Variants in MTTP observed in about 807,000 individuals in gnomAD.
MTTP encodes microsomal triglyceride transfer protein.
A neutral mutation model predicts 90.6 loss-of-function variants in MTTP; 49 were observed. The ratio of observed to expected loss-of-function variants is 0.54; its 90% CI spans 0.43 to 0.69. MTTP has a LOEUF of 0.69. Among genes scored for constraint, MTTP ranks in the 30% least tolerant of loss-of-function variants. MTTP has a pLI of 0.00. For synonymous variants in MTTP, 347 were observed against 384.2 expected (o/e 0.90, Z 1.13); for missense variants, 945 against 1,067.5 (o/e 0.89, Z 1.60).
chr4:99,598,102 C>CA (rs1267429650), intron 8 of MTTP, among the ~76,000 whole-genome samples: 1 of 152,096 alleles, frequency 6.6e-6, no homozygotes, highest in Non-Finnish European at 1.5e-5. Flanking sequence ...TGTTTATGCT[C>CA]AATTGCATTT....
chr4:99,594,409 T>C (rs531541048), intron 6 of MTTP, among the ~76,000 whole-genome samples: 10 of 152,332 alleles, frequency 6.6e-5, no homozygotes, highest in African/African-American at 2.4e-4. Context: ...ATTGACGATA[T>C]CATTTTCAGA....
intron 10 of MTTP, among the ~76,000 whole-genome samples, chr4:99,602,947 A>G (rs138751458): frequency 1.8e-3 from 274 of 152,330 alleles, no homozygotes; most frequent in Non-Finnish European, 3.3e-3. Flanking sequence ...CAAATAAATA[A>G]TATTGAAATA....
chr4:99,580,556 C>T (rs531704904), intron 1 of MTTP, among the ~76,000 whole-genome samples: 4 of 87,886 alleles, frequency 4.6e-5, no homozygotes, highest in South Asian at 8.9e-4. Flanking sequence ...GCCTGGCCGA[C>T]AGAGTGAGAC....
Position 99,597,188 on chromosome 4 carries a change from T to A in MTTP, c.1031T>A (p.Ile344Asn), listed in dbSNP as rs1725578527. The change falls in exon 8 of 18, where the codon ATC becomes AAC. Residue 344 changes from isoleucine (I) to asparagine (N), a missense_variant. Coordinates refer to ENST00000265517, the MANE Select transcript of MTTP (RefSeq NM_001386140.1). ...QHLRTAKKEE[I>N]LQILKMENKE... The stretch of plus-strand genomic sequence containing the variant: ...CTCAGGACTGCGAAGAAAGAAGAGA[T>A]CCTTCAAATACTAAAGATGGAAAAT... The A allele has an allele frequency of 1.2e-6, 2 of 1,613,910 alleles. No homozygotes were observed. Among genetic ancestry groups the A allele is most frequent in the Non-Finnish European group, 1.7e-6 (2 of 1,179,888 alleles).
chr4:99,597,788 G>A (rs1279530740), intron 8 of MTTP, among the ~76,000 whole-genome samples: 1 of 152,136 alleles, frequency 6.6e-6, no homozygotes, highest in African/African-American at 2.4e-5. Flanking sequence ...TTTTACATGT[G>A]TAATAAACAG....
chr4:99,616,537 T>C (rs1428881736), intron 15 of MTTP, among the ~76,000 whole-genome samples: 1 of 152,188 alleles, frequency 6.6e-6, no homozygotes, highest in African/African-American at 2.4e-5. Context: ...GGTATGAGGA[T>C]TAAATGAGAC....
At chr4:99,595,112 G>A (rs1475484334) in intron 7 of MTTP, among the ~76,000 whole-genome samples, 1 of 152,136 alleles carries the variant, frequency 6.6e-6, no homozygotes, top group East Asian at 1.9e-4. Context: ...TAACTCAAGG[G>A]CAGCCTTTAA....
In MTTP at chr4:99,581,917, G is replaced by A. The variant is rs762413666; in HGVS notation, c.74G>A (p.Gly25Asp). The change falls in exon 2 of 18, where the codon GGT becomes GAT. Residue 25 changes from glycine (G) to aspartate (D), a missense_variant. By Grantham distance (94) the Gly-to-Asp change is moderately conservative (BLOSUM62 -1). Transcript: ENST00000265517. ...TATCTTTATGCAGGTCACACAACTG[G>A]TCTCTCATTAAATAATGACCGGCTG... ...YSASVKGHTT[G>D]LSLNNDRLYK... 6.8e-6 allele frequency: 11 copies of A among 1,614,064 alleles called. No individual in the cohort carries two copies. Among genetic ancestry groups the A allele is most frequent in the Admixed American group, 5.0e-5 (3 of 60,024 alleles).
chr4:99,566,297 GAAAAA>G (rs567380343), intron 1 of MTTP, among the ~76,000 whole-genome samples: 10,147 of 117,628 alleles, frequency 0.086, 608 homozygotes, highest in African/African-American at 0.18. Flanking sequence ...TCAAAAAAAA[GAAAAA>G]AAAAAAAAAA....
chr4:99,622,990 A>G lies in MTTP; in HGVS notation c.*142A>G. On this transcript the variant is annotated 3_prime_UTR_variant, in exon 18 of 18. Coordinates refer to ENST00000265517, the MANE Select transcript of MTTP (RefSeq NM_001386140.1). ...TTTGTAAAAAGCTACAAAAAACTGCAGTTTGATCAAATTTGGGTATATGCA... is the reference window on the plus strand; with the variant it reads ...TTTGTAAAAAGCTACAAAAAACTGCGGTTTGATCAAATTTGGGTATATGCA... The G allele has an allele frequency of 9.9e-7, 1 of 1,008,836 alleles. No individual in the cohort carries two copies. Among genetic ancestry groups the G allele is most frequent in the Non-Finnish European group, 1.5e-6 (1 of 652,568 alleles). 62.5% of individuals were successfully genotyped at this position (1,008,836 alleles called of 1,614,324 possible).
Position 99,609,890 on chromosome 4 carries a change from T to C in MTTP, c.1769+913T>C, listed in dbSNP as rs1013511343. Among the ~76,000 whole-genome samples the C allele has an allele frequency of 5.3e-5, 8 of 152,288 alleles. No individual in the cohort carries two copies. In the South Asian group the frequency reaches 8.3e-4, roughly 16 times the overall value. On this transcript the variant is annotated intron_variant, in intron 12 of 17. Coordinates refer to ENST00000265517, the MANE Select transcript of MTTP (RefSeq NM_001386140.1). The stretch of plus-strand genomic sequence containing the variant: ...AACGCATTTAGCTTCTCCATTTCTT[T>C]GTTTGCTTTTATGAGACCCTGTGAA...
chr4:99,581,888 T>G lies in MTTP; in HGVS notation c.62-17T>G, dbSNP rs773086049. On this transcript the variant is annotated splice_polypyrimidine_tract_variant and intron_variant, in intron 1 of 17. Transcript: ENST00000265517. ...CCTTACAATGAAAACTGGATATGTGTCATTATCTTTATGCAGGTCACACAA... is the reference window on the plus strand; with the variant it reads ...CCTTACAATGAAAACTGGATATGTGGCATTATCTTTATGCAGGTCACACAA... The G allele has an allele frequency of 6.2e-7, 1 of 1,613,622 alleles. No individual in the cohort carries two copies. The highest frequency in any genetic ancestry group is 1.1e-5 in the South Asian group (1 of 91,072).
intron 13 of MTTP, 22 bp downstream of exon 13, chr4:99,611,262 T>A (rs905826597): frequency 6.2e-7 from 1 of 1,613,604 alleles, no homozygotes; most frequent in Non-Finnish European, 8.5e-7. Context: ...AAAAAGAGGT[T>A]CTCCTTCCAT....
At chr4:99,615,390 T>A (rs1491239) in intron 15 of MTTP, among the ~76,000 whole-genome samples, 2,493 of 152,334 alleles carry the variant, frequency 0.016, 25 homozygotes, top group African/African-American at 0.032. Flanking sequence ...ATCTAGATTA[T>A]CTTGTACAGT....
chr4:99,584,167 C>T (rs1725198389), intron 3 of MTTP: 1 of 151,898 alleles, frequency 6.6e-6, no homozygotes, highest in African/African-American at 2.4e-5. Context: ...TTGAAATGGT[C>T]TAAATAAATT....
At position 99,591,165 on chromosome 4, in the gene MTTP, G is replaced by A. The variant is rs1725408176; in HGVS notation, c.502-70G>A. On this transcript the variant is annotated intron_variant, in intron 4 of 17. Transcript: ENST00000265517. The stretch of plus-strand genomic sequence containing the variant: ...GCCTATTAGAGACCTCAATTTTCAA[G>A]CCACTTCTCACTAGAATTCAAATGG... 4 of 1,152,192 alleles carry A rather than the reference G, an allele frequency of 3.5e-6. No individual in the cohort carries two copies. The Admixed American group carries it at 6.7e-5, about 19-fold the overall frequency. 71.4% of individuals were successfully genotyped at this position (1,152,192 alleles called of 1,614,324 possible). A position where few individuals can be genotyped will look rare whatever the true frequency, so the allele number is the denominator to read the frequency against.
upstream of MTTP, among the ~76,000 whole-genome samples, chr4:99,570,318 T>C (rs929160548): frequency 1.2e-4 from 19 of 152,172 alleles, no homozygotes; most frequent in African/African-American, 4.6e-4. Flanking sequence ...TCTCAGCACA[T>C]TGAAGACAAC....
Position 99,574,839 on chromosome 4 carries a change from G to A in MTTP, c.-71G>A, listed in dbSNP as rs765998730. 1 of 1,613,732 alleles carries A rather than the reference G, an allele frequency of 6.2e-7. No homozygotes were observed. Among genetic ancestry groups the A allele is most frequent in the Non-Finnish European group, 8.5e-7 (1 of 1,179,844 alleles). ...GAAGAGGGTCACTCCCTCACTGGCT[G>A]CCATTGAAAGAGTCCACTTCTCAGT... is the stretch of plus-strand genomic sequence containing the variant. On this transcript the variant is annotated 5_prime_UTR_variant, in exon 1 of 18. Transcript: ENST00000265517.
At chr4:99,618,396 G>C (rs1726148078) in intron 15 of MTTP, among the ~76,000 whole-genome samples, 1 of 152,198 alleles carries the variant, frequency 6.6e-6, no homozygotes, top group Non-Finnish European at 1.5e-5. Context: ...CATAACTAGA[G>C]AAGTGCTGAA....
Sources: allele counts gnomAD v4.1 joint callset (sites outside exome capture counted in the v4.1 genomes callset), GRCh38; gene constraint gnomAD v4.1.1; transcripts MANE v1.5; gene names NCBI Gene and HGNC (gene_info 2026-07-23, HGNC 2026-07-21).